Variants in LINGO2 observed in about 807,000 individuals in gnomAD.
LINGO2 encodes leucine rich repeat and Ig domain containing 2.
In LINGO2, 14 loss-of-function variants were observed where a neutral mutation model predicts 30.6. The ratio of observed to expected loss-of-function variants is 0.46; its 90% confidence interval spans 0.30 to 0.72. The LOEUF (loss-of-function observed/expected upper bound fraction) is 0.72, where lower values mean the gene tolerates loss of function less well. LINGO2 is among the 30% of genes least tolerant of loss of function. The pLI is 0.07. For missense variants in LINGO2, 729 were observed against 751.7 expected (o/e 0.97, Z 0.35); for synonymous variants, 317 against 288.5 (o/e 1.10, Z -1.00).
chr9:27,964,238 T>C (rs1410553426), intron 5 of LINGO2, among the ~76,000 whole-genome samples: 1 of 152,090 alleles, frequency 6.6e-6, no homozygotes. Flanking sequence ...AAATGTGTTA[T>C]ATATTATAAC....
chr9:28,350,289 A>G (rs1219911942), intron 3 of LINGO2, among the ~76,000 whole-genome samples: 2 of 143,564 alleles, frequency 1.4e-5, no homozygotes, highest in South Asian at 4.8e-4. Context: ...GGCTCAAAAT[A>G]AAAGGATGGA....
In LINGO2 at chr9:28,189,325, G is replaced by A. The variant is rs867578248; in HGVS notation, c.-87+105883C>T. Among the ~76,000 whole-genome samples, 41 of 18,132 alleles carry A rather than the reference G, an allele frequency of 2.3e-3. 4 individuals carry two copies. Among genetic ancestry groups the A allele is most frequent in the African/African-American group, 6.3e-3 (32 of 5,112 alleles). The allele number at this position is 18,132 out of a possible 152,430, so 11.9% of individuals were successfully genotyped here. On this transcript the variant is annotated intron_variant, in intron 4 of 5. Transcript: ENST00000379992. ...GAAGGGAGGAAGGAAGGAAGGAAGG[G>A]AGGGAGGAAGGAAGGAAGGGAGGAA...
chr9:28,263,839 G>A (rs767927375), intron 4 of LINGO2, among the ~76,000 whole-genome samples: 1 of 151,928 alleles, frequency 6.6e-6, no homozygotes, highest in Non-Finnish European at 1.5e-5. Context: ...GGTTAAAAAG[G>A]AGTAATTCAA....
At chr9:28,218,228 A>ATT (rs1820836810) in intron 4 of LINGO2, among the ~76,000 whole-genome samples, 1 of 151,124 alleles carries the variant, frequency 6.6e-6, no homozygotes, top group Non-Finnish European at 1.5e-5. Flanking sequence ...GTAATACAAT[A>ATT]ACTCTATTAT....
At chr9:28,489,412 C>T (rs1169182075) in intron 1 of LINGO2, among the ~76,000 whole-genome samples, 1 of 152,132 alleles carries the variant, frequency 6.6e-6, no homozygotes, top group Non-Finnish European at 1.5e-5. Context: ...CAAAGTGATC[C>T]ACCTGCCTCA....
At chr9:28,762,788 AC>A in the LINGO2 span, among the ~76,000 whole-genome samples, 2 of 151,924 alleles carry the variant, frequency 1.3e-5, no homozygotes, top group East Asian at 3.9e-4. Context: ...AAATAAAGTC[AC>A]CTTCCTTGCC....
chr9:28,609,160 T>G (rs1825809583), intron 1 of LINGO2, among the ~76,000 whole-genome samples: 2 of 151,676 alleles, frequency 1.3e-5, no homozygotes, highest in South Asian at 4.1e-4. Flanking sequence ...TAAAGAGTTT[T>G]TTTTTTTTTT....
the LINGO2 span, among the ~76,000 whole-genome samples, chr9:28,776,490 T>G: frequency 6.6e-5 from 10 of 152,180 alleles, no homozygotes; most frequent in Non-Finnish European, 1.0e-4. Flanking sequence ...AATTCAATAT[T>G]CAAATATTAC....
the LINGO2 span, among the ~76,000 whole-genome samples, chr9:29,070,074 TACAC>T: frequency 2.8e-4 from 40 of 141,636 alleles, no homozygotes; most frequent in Admixed American, 4.3e-4. Flanking sequence ...TATATATATA[TACAC>T]ACACACATAC....
At chr9:29,085,177 C>G in the LINGO2 span, among the ~76,000 whole-genome samples, 4 of 148,574 alleles carry the variant, frequency 2.7e-5, no homozygotes, top group African/African-American at 4.9e-5. Context: ...TATTTGGCAG[C>G]CTGGTTCACT....
intron 4 of LINGO2, among the ~76,000 whole-genome samples, chr9:28,279,599 T>A (rs985589017): frequency 1.3e-5 from 2 of 152,188 alleles, no homozygotes; most frequent in African/African-American, 2.4e-5. Flanking sequence ...ACATTGTTTT[T>A]AGACATCATG....
At chr9:29,211,215 T>A in the LINGO2 span, among the ~76,000 whole-genome samples, 7 of 152,236 alleles carry the variant, frequency 4.6e-5, no homozygotes, top group South Asian at 1.5e-3. Flanking sequence ...CACAGCACGC[T>A]GAAAAATACA....
chr9:28,494,109 G>C (rs1819489186), intron 1 of LINGO2, among the ~76,000 whole-genome samples: 1 of 152,092 alleles, frequency 6.6e-6, no homozygotes, highest in Non-Finnish European at 1.5e-5. Flanking sequence ...ATTAGATTGA[G>C]AATAAATATT....
intron 1 of LINGO2, among the ~76,000 whole-genome samples, chr9:28,569,360 G>A (rs987775380): frequency 1.5e-4 from 22 of 151,326 alleles, no homozygotes; most frequent in Admixed American, 1.3e-4. Flanking sequence ...AGTGTGATTC[G>A]TAACAGCCAA....
chr9:28,370,824 T>C (rs967436973), intron 3 of LINGO2, among the ~76,000 whole-genome samples: 4 of 152,200 alleles, frequency 2.6e-5, no homozygotes, highest in Non-Finnish European at 5.9e-5. Flanking sequence ...AACTCTGATT[T>C]AGAACAGTTT....
the LINGO2 span, among the ~76,000 whole-genome samples, chr9:28,917,080 T>C: frequency 6.6e-6 from 1 of 152,190 alleles, no homozygotes; most frequent in African/African-American, 2.4e-5. Context: ...GTGGTTGTCA[T>C]GAATTATCTT....
chr9:28,979,159 G>A, the LINGO2 span, among the ~76,000 whole-genome samples: 2 of 151,460 alleles, frequency 1.3e-5, no homozygotes, highest in Non-Finnish European at 2.9e-5. Flanking sequence ...CTGCTTCTTT[G>A]AGCTATAATT....
At chr9:28,841,949 T>A in the LINGO2 span, among the ~76,000 whole-genome samples, 1 of 151,678 alleles carries the variant, frequency 6.6e-6, no homozygotes. Flanking sequence ...GGTTTGGGGG[T>A]AGGAGGGCAT....
intron 2 of LINGO2, among the ~76,000 whole-genome samples, chr9:28,456,623 A>G (rs1824858467): frequency 6.6e-6 from 1 of 152,130 alleles, no homozygotes; most frequent in Non-Finnish European, 1.5e-5. Flanking sequence ...TAGTCTACCC[A>G]TTTGAACCAG....
Sources: allele counts gnomAD v4.1 joint callset (sites outside exome capture counted in the v4.1 genomes callset), GRCh38; gene constraint gnomAD v4.1.1; transcripts MANE v1.5; gene names NCBI Gene and HGNC (gene_info 2026-07-23, HGNC 2026-07-21).